Variants in VSTM2L observed in about 807,000 individuals in gnomAD.
VSTM2L encodes V-set and transmembrane domain-containing protein 2-like protein.
VSTM2L carries 9 observed loss-of-function variants against 19.9 expected under a neutral mutation model. That is an observed-to-expected ratio of 0.45 (90% confidence interval 0.27 to 0.79). VSTM2L has a LOEUF of 0.79. Ranked by LOEUF, VSTM2L falls within the 30% of genes least tolerant of loss-of-function variation. The pLI, the probability that VSTM2L is intolerant of heterozygous loss-of-function variation, is 0.15. For synonymous variants in VSTM2L, 127 were observed against 133.8 expected, an observed-to-expected ratio of 0.95 and a Z score of 0.35; for missense variants, 286 against 295.5, an observed-to-expected ratio of 0.97 and a Z score of 0.24.
At position 37,945,201 on chromosome 20, in the gene VSTM2L, G is replaced by C. The variant is rs1423651094; in HGVS notation, c.*948G>C. 1.0e-6 allele frequency: 1 copy of C among 985,324 alleles called. No individual in the cohort carries two copies. Among genetic ancestry groups the C allele is most frequent in the Non-Finnish European group, 1.2e-6 (1 of 829,946 alleles). The allele number at this position is 985,324 out of a possible 1,614,324, so 61.0% of individuals were successfully genotyped here. On this transcript the variant is annotated 3_prime_UTR_variant, in exon 4 of 4. Coordinates refer to ENST00000373461, the MANE Select transcript of VSTM2L (RefSeq NM_080607.3). ...ATTTCTATTGGACCCAATTCTCCTC[G>C]GAATTGGCTGGCACCTCTGGCTGCC...
chr20:37,918,082 T>G (rs2072830064), intron 1 of VSTM2L, among the ~76,000 whole-genome samples: 1 of 152,198 alleles, frequency 6.6e-6, no homozygotes, highest in Admixed American at 6.5e-5. Context: ...TCTCCAAGTA[T>G]GCAATTCAGG....
chr20:37,940,440 A>T (rs1568844086), intron 3 of VSTM2L, among the ~76,000 whole-genome samples: 5 of 152,222 alleles, frequency 3.3e-5, no homozygotes, highest in Admixed American at 6.5e-5. Flanking sequence ...AAGGCTCAGC[A>T]TGAGGGAGGA....
intron 1 of VSTM2L, among the ~76,000 whole-genome samples, chr20:37,914,792 C>T (rs2072807702): frequency 2.0e-5 from 3 of 152,156 alleles, no homozygotes; most frequent in Non-Finnish European, 2.9e-5. Flanking sequence ...TGGGGCCCCA[C>T]ACCTAGTTCA....
intron 1 of VSTM2L, among the ~76,000 whole-genome samples, chr20:37,907,848 G>A (rs1018888987): frequency 6.6e-5 from 10 of 152,154 alleles, no homozygotes; most frequent in Non-Finnish European, 1.5e-4. Context: ...AGGGGGCACC[G>A]GGCCATTTGG....
At chr20:37,914,815 A>G (rs1240133583) in intron 1 of VSTM2L, among the ~76,000 whole-genome samples, 2 of 152,154 alleles carry the variant, frequency 1.3e-5, no homozygotes, top group Non-Finnish European at 2.9e-5. Flanking sequence ...GCAAGGGTGC[A>G]GAGCCCAACC....
chr20:37,930,825 C>T (rs1474978498), intron 1 of VSTM2L, among the ~76,000 whole-genome samples: 7 of 152,162 alleles, frequency 4.6e-5, no homozygotes, highest in East Asian at 3.9e-4. Flanking sequence ...CCATTCCATC[C>T]GCCGAGCAGC....
rs565982222 is a variant in VSTM2L, at chr20:37,926,976, T to C, written c.122-4659T>C. Among the ~76,000 whole-genome samples, 23 of 152,356 alleles carry C rather than the reference T, an allele frequency of 1.5e-4. No homozygotes were observed. The South Asian group carries it at 4.8e-3, about 32-fold the overall frequency. Reference sequence around the variant, plus strand: ...AGTGGAACATGTCTCATTAGTAATTTCTTTTTTCCAAGACGGAGTCTTGCT... The same window carrying C: ...AGTGGAACATGTCTCATTAGTAATTCCTTTTTTCCAAGACGGAGTCTTGCT... On this transcript the variant is annotated intron_variant, in intron 1 of 3. Coordinates refer to ENST00000373461, the MANE Select transcript of VSTM2L (RefSeq NM_080607.3).
At chr20:37,930,941 C>T (rs2072905199) in intron 1 of VSTM2L, among the ~76,000 whole-genome samples, 1 of 152,202 alleles carries the variant, frequency 6.6e-6, no homozygotes, top group African/African-American at 2.4e-5. Flanking sequence ...TTCTCGGGAT[C>T]CTCAAGGAGG....
chr20:37,914,467 T>G (rs2122945272), intron 1 of VSTM2L, among the ~76,000 whole-genome samples: 2 of 9,088 alleles, frequency 2.2e-4, no homozygotes, highest in South Asian at 0.013. Flanking sequence ...ATTGTGTGTA[T>G]GTGTGTATTT....
intron 1 of VSTM2L, among the ~76,000 whole-genome samples, chr20:37,907,656 C>T (rs2072758218): frequency 1.3e-5 from 2 of 151,604 alleles, no homozygotes; most frequent in South Asian, 4.2e-4. Context: ...CACCCTGCCA[C>T]ACACACACAC....
At chr20:37,928,253 A>G (rs2122963057) in intron 1 of VSTM2L, among the ~76,000 whole-genome samples, 1 of 152,198 alleles carries the variant, frequency 6.6e-6, no homozygotes, top group Admixed American at 6.5e-5. Context: ...ATCCTGGGGG[A>G]GGGACAAGCA....
At chr20:37,925,583 C>CAG (rs1004968220) in intron 1 of VSTM2L, among the ~76,000 whole-genome samples, 2 of 152,164 alleles carry the variant, frequency 1.3e-5, no homozygotes, top group African/African-American at 4.8e-5. Flanking sequence ...CAGGGAGGCC[C>CAG]AGATTTGTCG....
Position 37,911,303 on chromosome 20 carries a change from C to G in VSTM2L, c.121+7832C>G, listed in dbSNP as rs1248510148. ...ACAGAAACACAGAGAAGGACACTCA[C>G]CTGTGGGGCAGGGAGGGTACCCAGT... On this transcript the variant is annotated intron_variant, in intron 1 of 3. Transcript: ENST00000373461. Among the ~76,000 whole-genome samples the G allele has an allele frequency of 2.6e-5, 4 of 151,632 alleles. No individual in the cohort carries two copies. In the East Asian group the frequency reaches 7.7e-4, roughly 29 times the overall value.
At chr20:37,931,550 G>C in intron 1 of VSTM2L, 85 bp from the exon 2 acceptor site, 4 of 1,353,640 alleles carry the variant, frequency 3.0e-6, no homozygotes, top group Non-Finnish European at 3.0e-6. Flanking sequence ...TGCAGGGCCA[G>C]CTGTTCCTAC....
chr20:37,931,802 C>T lies in VSTM2L; in HGVS notation c.289C>T (p.Gln97Ter), dbSNP rs765798435. Reference protein sequence around the residue: ...WTDKQAWASNQLKASQQEDAG... With the variant: ...WTDKQAWASN Reference sequence around the variant, plus strand: ...CGACAAGCAGGCGTGGGCCTCGAACCAGGTAATGCCCCTGGGGAGATGCCC... The same window carrying T: ...CGACAAGCAGGCGTGGGCCTCGAACTAGGTAATGCCCCTGGGGAGATGCCC... The change falls in exon 2 of 4, where the codon CAG (glutamine) becomes TAG (stop). Residue 97 changes from glutamine (Q) to a stop codon, truncating the protein, a stop_gained and splice_region_variant. Coordinates refer to ENST00000373461, the MANE Select transcript of VSTM2L (RefSeq NM_080607.3). LOFTEE classifies it high-confidence loss of function. The T allele has an allele frequency of 6.2e-7, 1 of 1,613,328 alleles. No homozygotes were observed. The highest frequency in any genetic ancestry group is 2.2e-5 in the East Asian group (1 of 44,870).
chr20:37,903,987 G>A (rs1194650651), intron 1 of VSTM2L, among the ~76,000 whole-genome samples: 1 of 152,114 alleles, frequency 6.6e-6, no homozygotes, highest in Non-Finnish European at 1.5e-5. Flanking sequence ...ACACACACAT[G>A]AACACAATTT....
rs2072999540 is a variant in VSTM2L, at chr20:37,944,906, C to T, written c.*653C>T. 2 of 985,786 alleles carry T rather than the reference C, an allele frequency of 2.0e-6. No individual in the cohort carries two copies. Among genetic ancestry groups the T allele is most frequent in the East Asian group, 1.1e-4 (1 of 8,794 alleles). The allele number at this position is 985,786 out of a possible 1,614,324, so 61.1% of individuals were successfully genotyped here. Reference sequence around the variant, plus strand: ...GATGCAGGGGATCCAGGATTCTCTGCCCTGTCACACGGCGAGTCAGAAGGG... The same window carrying T: ...GATGCAGGGGATCCAGGATTCTCTGTCCTGTCACACGGCGAGTCAGAAGGG... On this transcript the variant is annotated 3_prime_UTR_variant, in exon 4 of 4. Transcript: ENST00000373461.
chr20:37,944,363 G>A lies in VSTM2L; in HGVS notation c.*110G>A, dbSNP rs1600578623. On this transcript the variant is annotated 3_prime_UTR_variant, in exon 4 of 4. Coordinates refer to ENST00000373461, the MANE Select transcript of VSTM2L (RefSeq NM_080607.3). Reference sequence around the variant, plus strand: ...GCGTCCAGCCGCGCCCCATCCCCGAGGCCGCCTGTGGCCACCATGTCGGCC... The same window carrying A: ...GCGTCCAGCCGCGCCCCATCCCCGAAGCCGCCTGTGGCCACCATGTCGGCC... 7.8e-7 allele frequency: 1 copy of A among 1,279,572 alleles called. No homozygotes were observed. Among genetic ancestry groups the A allele is most frequent in the Non-Finnish European group, 1.0e-6 (1 of 986,560 alleles). 79.3% of individuals were successfully genotyped at this position (1,279,572 alleles called of 1,614,324 possible).
At chr20:37,928,874 A>G (rs6126559) in intron 1 of VSTM2L, among the ~76,000 whole-genome samples, 72,999 of 152,074 alleles carry the variant, frequency 0.48, 17,752 homozygotes, top group Middle Eastern at 0.65. Flanking sequence ...GTCCAATACA[A>G]TAGCCATTAC....
Sources: allele counts gnomAD v4.1 joint callset (sites outside exome capture counted in the v4.1 genomes callset), GRCh38; gene constraint gnomAD v4.1.1; transcripts MANE v1.5; gene names NCBI Gene and HGNC (gene_info 2026-07-23, HGNC 2026-07-21).